The following TRIM49 variants were observed in gnomAD, a reference collection of about 807,000 sequenced individuals.
TRIM49 encodes the protein tripartite motif-containing protein 49.
A neutral mutation model predicts 27.4 loss-of-function variants in TRIM49; 5 were observed. The observed-to-expected ratio is 0.18, with a 90% CI of 0.10 to 0.38. The LOEUF (loss-of-function observed/expected upper bound fraction) is 0.38. Ranked by LOEUF, TRIM49 falls within the 10% of genes least tolerant of loss-of-function variation. The pLI, the probability that TRIM49 is intolerant of heterozygous loss-of-function variation, is 1.00. For missense variants in TRIM49, 188 were observed against 487.5 expected (o/e 0.39, Z 5.79); for synonymous variants, 69 against 166.0 (o/e 0.42, Z 4.49).
chr11:89,773,113 C>A, the TRIM49 span, among the ~76,000 whole-genome samples: 1 of 136,492 alleles, frequency 7.3e-6, no homozygotes, highest in Non-Finnish European at 1.5e-5. Context: ...ATCACTTGAA[C>A]CTCGGAGGCA....
chr11:89,770,450 A>G, the TRIM49 span, among the ~76,000 whole-genome samples: 17 of 140,678 alleles, frequency 1.2e-4, 2 homozygotes, highest in Non-Finnish European at 2.2e-4. Flanking sequence ...TCACTTCCTA[A>G]AAAGCTAGGA....
At chr11:89,774,031 C>T in the TRIM49 span, among the ~76,000 whole-genome samples, 20 of 89,704 alleles carry the variant, frequency 2.2e-4, 2 homozygotes, top group African/African-American at 8.0e-4. Flanking sequence ...GACAGAGTCT[C>T]GCTCTGTCAC....
chr11:89,799,907 G>C, intron 6 of TRIM49, 94 bp from the exon 7 acceptor site: 2 of 1,527,462 alleles, frequency 1.3e-6, no homozygotes, highest in Middle Eastern at 2.3e-4. Flanking sequence ...AGAATCCTTT[G>C]AATCTACACA....
At chr11:89,777,135 C>A in the TRIM49 span, 6 of 1,550,498 alleles carry the variant, frequency 3.9e-6, no homozygotes, top group Non-Finnish European at 5.2e-6. Flanking sequence ...CAATGCGCTG[C>A]CCTTCGTGCA....
intron 2 of TRIM49, 24 bp downstream of exon 2, chr11:89,807,075 A>C (rs1949793994): frequency 1.3e-5 from 2 of 152,172 alleles, no homozygotes; most frequent in African/African-American, 4.8e-5. Context: ...AGATGATATA[A>C]TTTTATCAAT....
intron 4 of TRIM49, among the ~76,000 whole-genome samples, chr11:89,802,572 AACAC>A (rs1319282782): frequency 1.3e-5 from 2 of 148,964 alleles, no homozygotes; most frequent in Non-Finnish European, 3.0e-5. Flanking sequence ...TATGTATACA[AACAC>A]ACACACATAC....
the TRIM49 span, among the ~76,000 whole-genome samples, chr11:89,771,893 A>AT: frequency 9.9e-5 from 9 of 90,964 alleles, no homozygotes; most frequent in Non-Finnish European, 1.6e-4. Flanking sequence ...TTCCTATTAA[A>AT]TTTTTTTATG....
the TRIM49 span, chr11:89,777,067 T>A: frequency 6.5e-7 from 1 of 1,549,988 alleles, no homozygotes; most frequent in Non-Finnish European, 8.7e-7. Flanking sequence ...CACCATTGAC[T>A]GTGGGCACAG....
chr11:89,795,893 A>C (rs542415890), downstream of TRIM49, among the ~76,000 whole-genome samples: 3 of 152,064 alleles, frequency 2.0e-5, no homozygotes, highest in East Asian at 5.9e-4. Flanking sequence ...AATGAAAAAA[A>C]AAATCAAACT....
chr11:89,793,286 C>A (rs1291105384), downstream of TRIM49, among the ~76,000 whole-genome samples: 2 of 152,096 alleles, frequency 1.3e-5, no homozygotes, highest in Middle Eastern at 3.2e-3. Context: ...GGATTCACAG[C>A]TGACTTCTAC....
rs148527908 is a variant in TRIM49, at chr11:89,798,375, C to T, written c.1114G>A (p.Asp372Asn). Residue 372 changes from aspartate (D) to asparagine (N), a missense_variant, in exon 8 of 8, where the codon GAT becomes AAT. By Grantham distance (23) the Asp-to-Asn change is conservative. Transcript: ENST00000329758. ...RKEKNQNEKI[D>N]GKAGLFLLGC... Reference sequence around the variant, plus strand: ...AGAAGAAAGAGTCCCGCCTTTCCATCTATCTTCTCATTCTGATTCTTCTCT... The same window carrying T: ...AGAAGAAAGAGTCCCGCCTTTCCATTTATCTTCTCATTCTGATTCTTCTCT... 4.0e-3 allele frequency: 6,419 copies of T among 1,593,574 alleles called. 319 individuals are homozygous for T. The highest frequency in any genetic ancestry group is 5.2e-3 in the Non-Finnish European group (6,092 of 1,174,484).
the TRIM49 span, among the ~76,000 whole-genome samples, chr11:89,770,896 A>G: frequency 7.5e-6 from 1 of 133,292 alleles, no homozygotes; most frequent in East Asian, 2.4e-4. Flanking sequence ...ACAAAAATCA[A>G]TTTTTGTCTA....
At chr11:89,796,725 T>G (rs1280341784), downstream of TRIM49, among the ~76,000 whole-genome samples, 2 of 151,258 alleles carry the variant, frequency 1.3e-5, no homozygotes, top group African/African-American at 2.4e-5. Flanking sequence ...AACTTGTTTC[T>G]GAGATTCATC....
At position 89,798,617 on chromosome 11, in the gene TRIM49, A is replaced by G; in HGVS notation, c.872T>C (p.Leu291Pro). The change falls in exon 8 of 8, where the codon CTG becomes CCG. Residue 291 changes from leucine to proline, a missense_variant. Leu to Pro is a moderately conservative substitution (Grantham distance 98). Coordinates refer to ENST00000329758, the MANE Select transcript of TRIM49 (RefSeq NM_020358.2). ...ATCATTGTTGGCTTCTTCATGATGC[A>G]GAGTAATATGCACTGCAAAAAAAAA... ...RLNQFRVHIT[L>P]HHEEANNDIF... The G allele has an allele frequency of 6.4e-7, 1 of 1,555,338 alleles. No individual in the cohort carries two copies. Among genetic ancestry groups the G allele is most frequent in the Non-Finnish European group, 8.6e-7 (1 of 1,164,186 alleles).
At chr11:89,792,577 A>T in the TRIM49 span, among the ~76,000 whole-genome samples, 2 of 152,196 alleles carry the variant, frequency 1.3e-5, no homozygotes, top group Non-Finnish European at 2.9e-5. Context: ...ACTAGAACTC[A>T]GGATTAAGAA....
At chr11:89,807,574 G>T (rs1313104548) in intron 1 of TRIM49, among the ~76,000 whole-genome samples, 3 of 150,388 alleles carry the variant, frequency 2.0e-5, no homozygotes, top group South Asian at 2.1e-4. Context: ...TAGAGAAAGG[G>T]TCTCCTTCTG....
the TRIM49 span, chr11:89,766,893 C>G: frequency 1.4e-6 from 1 of 715,696 alleles, no homozygotes; most frequent in African/African-American, 2.6e-5. Context: ...AGCCCAGTCC[C>G]AAGAGTTGTC....
chr11:89,805,687 T>G (rs1565447780), intron 2 of TRIM49, among the ~76,000 whole-genome samples: 1 of 149,850 alleles, frequency 6.7e-6, no homozygotes, highest in African/African-American at 2.5e-5. Flanking sequence ...AGATGTATGT[T>G]CTGAGAAATG....
downstream of TRIM49, among the ~76,000 whole-genome samples, chr11:89,793,021 G>A (rs368260663): frequency 2.0e-5 from 3 of 151,770 alleles, no homozygotes; most frequent in Non-Finnish European, 4.4e-5. Context: ...GAAGAAAAGA[G>A]AGAAGAATCA....
Sources: allele counts gnomAD v4.1 joint callset (sites outside exome capture counted in the v4.1 genomes callset), GRCh38; gene constraint gnomAD v4.1.1; transcripts MANE v1.5; gene names NCBI Gene and HGNC (gene_info 2026-07-23, HGNC 2026-07-21).